Variants in HERC6 observed in about 807,000 individuals in gnomAD.
HERC6 encodes the protein HECT and RLD domain containing E3 ubiquitin protein ligase family member 6.
Under a neutral mutation model 114.5 loss-of-function variants are expected in HERC6, and 101 were observed. The observed-to-expected ratio is 0.88, with a 90% CI of 0.75 to 1.04. The LOEUF (loss-of-function observed/expected upper bound fraction) is 1.04, where lower values mean the gene tolerates loss of function less well. Among genes scored for constraint, HERC6 ranks in the 50% least tolerant of loss-of-function variants. The probability of loss-of-function intolerance (pLI) is 0.00; values close to 1 mark genes in which losing one functional copy is unlikely to be tolerated. For synonymous variants in HERC6, 408 were observed against 436.2 expected, an observed-to-expected ratio of 0.94 and a Z score of 0.81; for missense variants, 1,133 against 1,230.9, an observed-to-expected ratio of 0.92 and a Z score of 1.19.
chr4:88,398,859 G>C (rs973895591), intron 8 of HERC6: 4 of 152,184 alleles, frequency 2.6e-5, no homozygotes, highest in Admixed American at 1.3e-4. Flanking sequence ...AACTCTCGTT[G>C]ATTTTATTTT....
intron 13 of HERC6, among the ~76,000 whole-genome samples, chr4:88,421,029 G>T (rs1326961351): frequency 6.6e-6 from 1 of 152,092 alleles, no homozygotes; most frequent in Non-Finnish European, 1.5e-5. Context: ...TATGTAAATG[G>T]AATCACACAT....
intron 11 of HERC6, 26 bp downstream of exon 11, chr4:88,408,643 A>G (rs1208653633): frequency 6.6e-6 from 9 of 1,366,484 alleles, no homozygotes; most frequent in African/African-American, 2.9e-5. Context: ...TACTTTAGAT[A>G]TAGAACAAAT....
chr4:88,421,810 G>A (rs1737097288), intron 13 of HERC6, among the ~76,000 whole-genome samples: 1 of 152,134 alleles, frequency 6.6e-6, no homozygotes, highest in Admixed American at 6.6e-5. Flanking sequence ...ATCCTAGTGA[G>A]TGGGAAATGA....
rs571764494 is a variant in HERC6 at position 88,435,597 on chromosome 4, G to A, written c.2251-128G>A. On this transcript the variant is annotated intron_variant, in intron 17 of 22. Transcript: ENST00000264346. ...GAAGAACTTCACATTTTTATTTTCC[G>A]GAAGCCCATTTTGTTTTTAATTTTT... The A allele has an allele frequency of 2.9e-4, 141 of 491,504 alleles. 1 individual carries two copies. In the South Asian group the frequency reaches 8.4e-3, roughly 29 times the overall value. The allele number at this position is 491,504 out of a possible 1,614,324, so 30.4% of individuals were successfully genotyped here. A position where few individuals can be genotyped will look rare whatever the true frequency, so the allele number is the denominator to read the frequency against.
At chr4:88,414,838 A>C (rs560166889) in intron 12 of HERC6, among the ~76,000 whole-genome samples, 2 of 151,572 alleles carry the variant, frequency 1.3e-5, no homozygotes, top group East Asian at 1.9e-4. Flanking sequence ...TCTTGTGCTG[A>C]CCTCCGATCT....
chr4:88,379,266 C>A (rs937569797), intron 1 of HERC6, 146 bp downstream of exon 1: 3 of 633,132 alleles, frequency 4.7e-6, no homozygotes, highest in African/African-American at 3.9e-5. Flanking sequence ...GGCTCAGATG[C>A]TGGGCGCCGC....
intron 8 of HERC6, chr4:88,399,373 GC>G (rs959828398): frequency 2.0e-5 from 3 of 152,152 alleles, no homozygotes; most frequent in Non-Finnish European, 4.4e-5. Flanking sequence ...TGCTCTTGGT[GC>G]CTGGGACAAA....
At chr4:88,387,751 A>AGATACC (rs978915227) in intron 3 of HERC6, among the ~76,000 whole-genome samples, 1 of 152,248 alleles carries the variant, frequency 6.6e-6, no homozygotes, top group African/African-American at 2.4e-5. Context: ...GAGTGAGAGA[A>AGATACC]GATACCCTGT....
intron 1 of HERC6, among the ~76,000 whole-genome samples, chr4:88,379,401 C>T (rs1451296662): frequency 6.6e-6 from 1 of 151,926 alleles, no homozygotes. Context: ...TCCCAACGCC[C>T]CTCGGATTTG....
intron 15 of HERC6, among the ~76,000 whole-genome samples, chr4:88,425,428 GAAC>G (rs2148961968): frequency 6.6e-6 from 1 of 152,140 alleles, no homozygotes; most frequent in East Asian, 1.9e-4. Context: ...TTCCTGCCAT[GAAC>G]AACACTGACG....
At chr4:88,441,059 T>C (rs531661405) in intron 22 of HERC6, among the ~76,000 whole-genome samples, 1 of 152,198 alleles carries the variant, frequency 6.6e-6, no homozygotes, top group Non-Finnish European at 1.5e-5. Flanking sequence ...TTTTTTTTTT[T>C]AAGTAGAGAT....
At chr4:88,415,475 A>C (rs1042654575) in intron 12 of HERC6, among the ~76,000 whole-genome samples, 2 of 152,232 alleles carry the variant, frequency 1.3e-5, no homozygotes, top group Admixed American at 6.5e-5. Flanking sequence ...AGTGGTTGTC[A>C]TTCACACTGT....
chr4:88,408,549 G>A lies in HERC6; in HGVS notation c.1300G>A (p.Asp434Asn). Residue 434 changes from aspartate (D) to asparagine (N), a missense_variant, in exon 11 of 23, where the codon GAT becomes AAT. Around this residue, in one of 3 missense-constraint regions of HERC6, gnomAD observed 735 missense variants for 754.0 expected, o/e 0.97. Transcript: ENST00000264346. ...KRGTGETTSIDVDLEMARDTF... is the reference protein window; with the variant it reads ...KRGTGETTSINVDLEMARDTF... ...AGGAACTGGAGAAACGACTTCCATTGATGTGGACTTAGAAATGGCAAGAGA... is the reference window on the plus strand; with the variant it reads ...AGGAACTGGAGAAACGACTTCCATTAATGTGGACTTAGAAATGGCAAGAGA... 6.2e-7 allele frequency: 1 copy of A among 1,600,288 alleles called. No homozygotes were observed. The highest frequency in any genetic ancestry group is 8.5e-7 in the Non-Finnish European group (1 of 1,172,960).
rs368132587 is a variant in HERC6, at chr4:88,393,542, A to G, written c.719A>G (p.Tyr240Cys). The change falls in exon 5 of 23, where the codon TAT becomes TGT. Residue 240 changes from tyrosine to cysteine, a missense_variant. Transcript: ENST00000264346. ...VGALKNLGVV[Y>C]ISCGDAHTAV... is the part of the protein sequence containing the mutation. The stretch of plus-strand genomic sequence containing the variant: ...GCACTGAAGAATCTAGGTGTGGTTT[A>G]TATCAGCTGTGGTGATGCACACACT... 52 of 1,612,842 alleles carry G rather than the reference A, an allele frequency of 3.2e-5. No individual in the cohort carries two copies. Among genetic ancestry groups the G allele is most frequent in the African/African-American group, 6.7e-5 (5 of 74,940 alleles).
chr4:88,439,817 T>C (rs1035608714), intron 20 of HERC6, 57 bp from the exon 21 acceptor site: 2 of 1,374,234 alleles, frequency 1.5e-6, no homozygotes, highest in Non-Finnish European at 1.9e-6. Context: ...TAAAATCTTT[T>C]AATCATTGGC....
rs1364922734 is a variant in HERC6 at position 88,398,227 on chromosome 4, T to G, written c.1092+18T>G. 1 of 1,497,284 alleles carries G rather than the reference T, an allele frequency of 6.7e-7. No homozygotes were observed. The highest frequency in any genetic ancestry group is 2.4e-5 in the East Asian group (1 of 42,444). 92.7% of individuals were successfully genotyped at this position (1,497,284 alleles called of 1,614,324 possible). On this transcript the variant is annotated intron_variant, in intron 8 of 22. Coordinates refer to ENST00000264346, the MANE Select transcript of HERC6 (RefSeq NM_017912.4). ...CTCATCAGGTATCTATTATACTTTT[T>G]GTTCCTCTTAAAAATTATTTTTTCT... is the stretch of plus-strand genomic sequence containing the variant.
Position 88,413,256 on chromosome 4 carries a change from G to A in HERC6, c.1548G>A (p.Leu516=), listed in dbSNP as rs758791842. ...KAVCEMSKQS[L]QVLKKCWAFL... is the part of the protein sequence containing the mutation. ...TGTGTGAAATGAGTAAACAATCTTT[G>A]CAAGTCCTAAGTAAGTTTTATGTCA... Residue 516 remains leucine, a synonymous_variant, in exon 12 of 23, where the codon TTG becomes TTA. Transcript: ENST00000264346. 5.0e-6 allele frequency: 8 copies of A among 1,611,356 alleles called. No homozygotes were observed. The African/African-American group carries it at 9.4e-5, about 19-fold the overall frequency.
chr4:88,379,840 TATATAAATATATATATAGC>T (rs1188825145), intron 1 of HERC6, among the ~76,000 whole-genome samples: 91 of 72,146 alleles, frequency 1.3e-3, no homozygotes, highest in East Asian at 4.3e-3. Flanking sequence ...ATATATATAA[TATATAAATATATATATAGC>T]ATATAAATAT....
At position 88,406,221 on chromosome 4, in the gene HERC6, G is replaced by A. The variant is rs1735808049; in HGVS notation, c.1274+608G>A. ...TTAGGCTGCCCTCTGCCTCTTTGGA[G>A]GTTGATGCCTTGCTGATCTGTCTGC... On this transcript the variant is annotated intron_variant, in intron 10 of 22. Transcript: ENST00000264346. 3.9e-5 allele frequency among the ~76,000 whole-genome samples: 6 copies of A among 152,374 alleles called. No individual in the cohort carries two copies. The South Asian group carries it at 1.2e-3, about 32-fold the overall frequency.
Sources: gnomAD v4.1 joint callset for allele counts (sites outside exome capture counted in the v4.1 genomes callset) on GRCh38, gnomAD v4.1.1 for gene constraint, gnomAD v4.1.1 regional missense constraint, MANE v1.5 for transcripts, NCBI Gene and HGNC (gene_info 2026-07-23, HGNC 2026-07-21) for gene names.